The following MTUS1 variants were observed in gnomAD, a reference collection of about 807,000 sequenced individuals.
MTUS1 encodes microtubule associated scaffold protein 1.
MTUS1 carries 109 observed loss-of-function variants against 120.8 expected under a neutral mutation model. The ratio of observed to expected loss-of-function variants is 0.90; its 90% CI spans 0.77 to 1.06. The LOEUF (loss-of-function observed/expected upper bound fraction) is 1.06. Among genes scored for constraint, MTUS1 ranks in the 50% least tolerant of loss-of-function variants. MTUS1 has a pLI of 0.00. For missense variants in MTUS1, 2,210 were observed against 1,486.3 expected, an observed-to-expected ratio of 1.49 and a Z score of -8.01; for synonymous variants, 737 against 550.5, an observed-to-expected ratio of 1.34 and a Z score of -4.74.
chr8:17,696,152 AC>A (rs1326200407), intron 6 of MTUS1, among the ~76,000 whole-genome samples: 2 of 152,110 alleles, frequency 1.3e-5, no homozygotes, highest in African/African-American at 4.8e-5. Flanking sequence ...GCCACTGCTG[AC>A]CTCCTCCTCG....
intron 1 of MTUS1, among the ~76,000 whole-genome samples, chr8:17,783,395 G>C (rs983824072): frequency 6.6e-6 from 1 of 152,088 alleles, no homozygotes; most frequent in African/African-American, 2.4e-5. Flanking sequence ...GCCCTCATAA[G>C]CAGAACAAAG....
At chr8:17,766,086 G>A (rs1222465901) in intron 1 of MTUS1, among the ~76,000 whole-genome samples, 1 of 152,076 alleles carries the variant, frequency 6.6e-6, no homozygotes, top group Non-Finnish European at 1.5e-5. Context: ...TGTCACTTTA[G>A]AGGCATTTTA....
At chr8:17,647,517 T>A (rs1422316599) in intron 13 of MTUS1, among the ~76,000 whole-genome samples, 3 of 151,916 alleles carry the variant, frequency 2.0e-5, no homozygotes, top group Admixed American at 6.6e-5. Flanking sequence ...CAATTCACAG[T>A]CCCTGGCAAC....
Position 17,723,724 on chromosome 8 carries a change from G to T in MTUS1, c.2397C>A (p.Ser799Arg). 6.2e-7 allele frequency: 1 copy of T among 1,610,990 alleles called. No individual in the cohort carries two copies. Among genetic ancestry groups the T allele is most frequent in the Non-Finnish European group, 8.5e-7 (1 of 1,177,868 alleles). Reference protein sequence around the residue: ...LKSPALRRTGSTPSIASTHSE... With the variant: ...LKSPALRRTGRTPSIASTHSE... ...TGTGGGTGCTGGCTATTGAGGGGGT[G>T]CTTCCTGTCCTCCGCAGCGCAGGAC... Residue 799 changes from serine (S) to arginine (R), a missense_variant, in exon 4 of 15, where the codon AGC becomes AGA. Ser to Arg is a moderately radical substitution (Grantham distance 110). Coordinates refer to ENST00000693296, the MANE Select transcript of MTUS1 (RefSeq NM_001363059.2).
Position 17,753,803 on chromosome 8 carries a change from C to A in MTUS1, c.2005G>T (p.Glu669Ter), listed in dbSNP as rs1402286077. 1 of 1,613,572 alleles carries A rather than the reference C, an allele frequency of 6.2e-7. No individual in the cohort carries two copies. The highest frequency in any genetic ancestry group is 8.5e-7 in the Non-Finnish European group (1 of 1,179,904). Residue 669 changes from glutamate (E) to a stop codon, truncating the protein, a stop_gained, in exon 2 of 15, where the codon GAA becomes TAA. Transcript: ENST00000693296. LOFTEE classifies it high-confidence loss of function. ...IDRISPEKKGEKENGTSMEKQ... is the reference protein window; with the variant it reads ...IDRISPEKKG The stretch of plus-strand genomic sequence containing the variant: ...TCCATAGATGTCCCATTTTCTTTTT[C>A]ACCCTTCTTTTCAGGGCTAATCCTA...
intron 1 of MTUS1, chr8:17,770,429 CTA>C (rs2049937679): frequency 1.3e-5 from 2 of 152,190 alleles, no homozygotes; most frequent in South Asian, 2.1e-4. Context: ...GCTAACTTAC[CTA>C]TATTCCTCAG....
intron 1 of MTUS1, among the ~76,000 whole-genome samples, chr8:17,770,808 C>A (rs1268405421): frequency 6.6e-6 from 1 of 152,182 alleles, no homozygotes; most frequent in African/African-American, 2.4e-5. Flanking sequence ...ATACTGTACA[C>A]ATCACTTGCA....
chr8:17,776,219 T>C (rs1024540139), intron 1 of MTUS1, among the ~76,000 whole-genome samples: 1 of 152,156 alleles, frequency 6.6e-6, no homozygotes, highest in East Asian at 1.9e-4. Flanking sequence ...ACATTAGGTA[T>C]TAAAAGTAAC....
At chr8:17,768,917 C>T (rs1156661141) in intron 1 of MTUS1, among the ~76,000 whole-genome samples, 1 of 151,946 alleles carries the variant, frequency 6.6e-6, no homozygotes, top group Non-Finnish European at 1.5e-5. Flanking sequence ...CTGGAGTTTT[C>T]GGGGGATTTT....
At chr8:17,705,480 T>A (rs1819975005) in intron 6 of MTUS1, among the ~76,000 whole-genome samples, 1 of 152,262 alleles carries the variant, frequency 6.6e-6, no homozygotes, top group Admixed American at 6.5e-5. Flanking sequence ...AGGTAGTCAC[T>A]GTCTCAAGAA....
At position 17,743,699 on chromosome 8, in the gene MTUS1, G is replaced by T. The variant is rs781205686; in HGVS notation, c.2192C>A (p.Pro731His). Residue 731 changes from proline to histidine, a missense_variant, in exon 3 of 15, where the codon CCC becomes CAC. Coordinates refer to ENST00000693296, the MANE Select transcript of MTUS1 (RefSeq NM_001363059.2). The part of the protein sequence containing the change: ...QIAAPKAKVG[P>H]PVSCLRRNSD... ...GTTCCGCCTCAAACAGGAAACAGGG[G>T]GCCCCACTTTGGCTTTTGGAGCAGC... is the stretch of plus-strand genomic sequence containing the variant. The T allele has an allele frequency of 6.2e-6, 10 of 1,614,004 alleles. 1 individual carries two copies. In the South Asian group the frequency reaches 9.9e-5, roughly 16 times the overall value.
chr8:17,725,203 G>A (rs2046141304), intron 3 of MTUS1, among the ~76,000 whole-genome samples: 1 of 152,146 alleles, frequency 6.6e-6, no homozygotes, highest in Non-Finnish European at 1.5e-5. Flanking sequence ...GACCTTTGAT[G>A]AAAATGACAT....
chr8:17,777,826 C>T (rs149589620), intron 1 of MTUS1, among the ~76,000 whole-genome samples: 7 of 152,250 alleles, frequency 4.6e-5, no homozygotes, highest in African/African-American at 1.7e-4. Flanking sequence ...GTATATTTTC[C>T]ACATCTGTGA....
rs993039681 is a variant in MTUS1 at position 17,647,980 on chromosome 8, C to G, written c.3502-901G>C. On this transcript the variant is annotated intron_variant, in intron 13 of 14. Transcript: ENST00000693296. ...TTATCCAGAAGCAGCTCAGGACAAC[C>G]TGTTCAGGTTAAATCACTTTCCAGA... Among the ~76,000 whole-genome samples the G allele has an allele frequency of 2.6e-5, 4 of 152,150 alleles. 1 individual carries two copies. The highest frequency in any genetic ancestry group is 9.7e-5 in the African/African-American group (4 of 41,432).
chr8:17,778,599 T>C (rs186310867), intron 1 of MTUS1, among the ~76,000 whole-genome samples: 19 of 151,938 alleles, frequency 1.3e-4, no homozygotes, highest in African/African-American at 4.4e-4. Context: ...GGCGGATCCC[T>C]TGAGCCCAGG....
intron 1 of MTUS1, among the ~76,000 whole-genome samples, chr8:17,779,337 GTTT>G (rs1484115416): frequency 6.6e-6 from 1 of 152,168 alleles, no homozygotes; most frequent in East Asian, 1.9e-4. Context: ...GTAATGATGT[GTTT>G]TGGATTTCAG....
intron 1 of MTUS1, among the ~76,000 whole-genome samples, chr8:17,799,780 A>G (rs1488741936): frequency 6.6e-6 from 1 of 152,204 alleles, no homozygotes; most frequent in Non-Finnish European, 1.5e-5. Flanking sequence ...CTGATTTTAA[A>G]AAGAACAGGT....
intron 3 of MTUS1, among the ~76,000 whole-genome samples, chr8:17,742,130 G>A (rs1271690603): frequency 2.6e-5 from 4 of 152,042 alleles, no homozygotes; most frequent in Non-Finnish European, 5.9e-5. Flanking sequence ...TTGCTCTGCT[G>A]CCCAGGTTGG....
chr8:17,677,379 G>A (rs1479410550), intron 7 of MTUS1, among the ~76,000 whole-genome samples: 3 of 151,994 alleles, frequency 2.0e-5, no homozygotes, highest in African/African-American at 7.3e-5. Context: ...AAACTCATTT[G>A]GTGAACTTGC....
Sources: allele counts gnomAD v4.1 joint callset (sites outside exome capture counted in the v4.1 genomes callset), GRCh38; gene constraint gnomAD v4.1.1; transcripts MANE v1.5; gene names NCBI Gene and HGNC (gene_info 2026-07-23, HGNC 2026-07-21).